The following CTNNA3 variants were observed in gnomAD, a reference collection of about 807,000 sequenced individuals.
The protein encoded by CTNNA3 is catenin alpha 3, also known as catenin alpha-3.
A neutral mutation model predicts 95.7 loss-of-function variants in CTNNA3; 76 were observed. That is an observed-to-expected ratio of 0.79 (90% confidence interval 0.66 to 0.96). The LOEUF (loss-of-function observed/expected upper bound fraction) is 0.96. CTNNA3 is among the 40% of genes least tolerant of loss of function. CTNNA3 has a pLI of 0.00. For synonymous variants in CTNNA3, 431 were observed against 374.4 expected (o/e 1.15, Z -1.74); for missense variants, 1,191 against 1,089.8 (o/e 1.09, Z -1.31).
chr10:66,417,256 A>T (rs2093154729), intron 11 of CTNNA3, among the ~76,000 whole-genome samples: 1 of 152,060 alleles, frequency 6.6e-6, no homozygotes, highest in African/African-American at 2.4e-5. Context: ...TATCATACAA[A>T]ACAGACTTGA....
chr10:67,006,087 T>G (rs1851969748), intron 7 of CTNNA3, among the ~76,000 whole-genome samples: 1 of 152,172 alleles, frequency 6.6e-6, no homozygotes, highest in Non-Finnish European at 1.5e-5. Flanking sequence ...AACAGTACAG[T>G]GCCAGGTACT....
intron 4 of CTNNA3, among the ~76,000 whole-genome samples, chr10:67,537,483 G>A (rs1840522508): frequency 6.6e-6 from 1 of 152,154 alleles, no homozygotes; most frequent in Non-Finnish European, 1.5e-5. Flanking sequence ...GAGGTACTTT[G>A]CTTTTGTTTG....
chr10:66,858,330 C>T (rs1210174711), intron 7 of CTNNA3, among the ~76,000 whole-genome samples: 3 of 151,868 alleles, frequency 2.0e-5, no homozygotes, highest in African/African-American at 7.3e-5. Context: ...ATTTTTGCAT[C>T]TATGTTCATC....
At chr10:67,346,189 A>T (rs1347954336) in intron 5 of CTNNA3, among the ~76,000 whole-genome samples, 1 of 152,116 alleles carries the variant, frequency 6.6e-6, no homozygotes, top group Non-Finnish European at 1.5e-5. Context: ...TGTACTATCT[A>T]GGTCTTTAAA....
intron 5 of CTNNA3, among the ~76,000 whole-genome samples, chr10:67,483,797 A>C (rs1429246583): frequency 4.0e-5 from 6 of 150,522 alleles, no homozygotes; most frequent in Non-Finnish European, 4.5e-5. Flanking sequence ...ACAAAAAAAA[A>C]ACAAAACACT....
chr10:67,233,037 C>A lies in CTNNA3; in HGVS notation c.580-13167G>T, dbSNP rs1327591694. 2.6e-5 allele frequency among the ~76,000 whole-genome samples: 4 copies of A among 152,192 alleles called. No individual in the cohort carries two copies. The East Asian group carries it at 7.7e-4, about 29-fold the overall frequency. On this transcript the variant is annotated intron_variant, in intron 5 of 17. Transcript: ENST00000433211. ...AAGTCCTGAGTGACCTACAAAGAGA[C>A]TTAGACTCCCACACAATAATAATGC...
intron 7 of CTNNA3, among the ~76,000 whole-genome samples, chr10:66,988,094 G>A (rs1001516960): frequency 1.3e-5 from 2 of 152,108 alleles, no homozygotes; most frequent in African/African-American, 4.8e-5. Flanking sequence ...ATAGTATCAT[G>A]AAGGAACACA....
chr10:67,005,691 T>TTTTTTGTTTGTTTG (rs1554895968), intron 7 of CTNNA3, among the ~76,000 whole-genome samples: 1 of 121,484 alleles, frequency 8.2e-6, no homozygotes, highest in African/African-American at 2.8e-5. Flanking sequence ...TCTTTTTTTT[T>TTTTTTGTTTGTTTG]TTTTTTTTTT....
intron 7 of CTNNA3, among the ~76,000 whole-genome samples, chr10:66,981,046 C>T (rs754439368): frequency 2.0e-5 from 3 of 152,074 alleles, no homozygotes; most frequent in Non-Finnish European, 4.4e-5. Context: ...AGCTGGATTA[C>T]AGGCATGCTC....
intron 11 of CTNNA3, among the ~76,000 whole-genome samples, chr10:66,413,331 C>T (rs138374830): frequency 1.3e-4 from 20 of 152,112 alleles, no homozygotes; most frequent in African/African-American, 4.8e-4. Context: ...TTAAAAGATT[C>T]TCAGATGATG....
intron 11 of CTNNA3, among the ~76,000 whole-genome samples, chr10:66,409,882 G>C (rs894069167): frequency 6.6e-6 from 1 of 152,130 alleles, no homozygotes; most frequent in African/African-American, 2.4e-5. Flanking sequence ...AAGTCTTTTA[G>C]AGTGTTCTGA....
At chr10:67,233,198 C>T (rs1306563076) in intron 5 of CTNNA3, among the ~76,000 whole-genome samples, 1 of 152,188 alleles carries the variant, frequency 6.6e-6, no homozygotes, top group East Asian at 1.9e-4. Flanking sequence ...CCCAAATCGA[C>T]AGAATATACA....
intron 10 of CTNNA3, among the ~76,000 whole-genome samples, chr10:66,597,511 C>CATATAT (rs369390875): frequency 0.016 from 1,120 of 70,738 alleles, 27 homozygotes; most frequent in Non-Finnish European, 0.022. Flanking sequence ...TTATTTCATA[C>CATATAT]ATATATATAT....
At chr10:67,363,612 C>T (rs914612511) in intron 5 of CTNNA3, among the ~76,000 whole-genome samples, 5 of 151,706 alleles carry the variant, frequency 3.3e-5, no homozygotes, top group Non-Finnish European at 7.4e-5. Flanking sequence ...CAAATAGATG[C>T]AATAAAAATA....
intron 1 of CTNNA3, among the ~76,000 whole-genome samples, chr10:67,740,610 T>C (rs1433082289): frequency 1.3e-5 from 2 of 151,434 alleles, no homozygotes; most frequent in Non-Finnish European, 3.0e-5. Context: ...CACAATGAGA[T>C]ATCATCTCAC....
rs569394851 is a variant in CTNNA3 at position 66,666,957 on chromosome 10, G to GT, written c.1282-45174dup. Among the ~76,000 whole-genome samples, 142 of 151,840 alleles carry GT rather than the reference G, an allele frequency of 9.4e-4. 1 individual carries two copies. The highest frequency in any genetic ancestry group is 6.8e-3 in the Middle Eastern group (2 of 294). ...TTAGGGACTCCTTAAAGGGATAATA[G>GT]TTTTTTTTAAAAAAAGGCTGTGAAA... On this transcript the variant is annotated intron_variant, in intron 9 of 17. Transcript: ENST00000433211.
intron 9 of CTNNA3, among the ~76,000 whole-genome samples, chr10:66,700,123 G>A (rs1325254542): frequency 6.6e-6 from 1 of 151,666 alleles, no homozygotes; most frequent in African/African-American, 2.4e-5. Context: ...TGATTGTTTT[G>A]TTATACAAAA....
At chr10:67,090,574 A>G (rs1857571836) in intron 7 of CTNNA3, among the ~76,000 whole-genome samples, 1 of 152,144 alleles carries the variant, frequency 6.6e-6, no homozygotes, top group Non-Finnish European at 1.5e-5. Flanking sequence ...GAGTGATTTT[A>G]TACAAATTAT....
chr10:67,568,206 G>A (rs1307062120), intron 3 of CTNNA3, among the ~76,000 whole-genome samples: 1 of 146,966 alleles, frequency 6.8e-6, no homozygotes, highest in African/African-American at 2.5e-5. Context: ...TCATCTCAAT[G>A]TTTGCAAGAC....
Sources: gnomAD v4.1 joint callset for allele counts (sites outside exome capture counted in the v4.1 genomes callset) on GRCh38, gnomAD v4.1.1 for gene constraint, MANE v1.5 for transcripts, NCBI Gene and HGNC (gene_info 2026-07-23, HGNC 2026-07-21) for gene names.